The following CHD3 variants were observed in gnomAD, a reference collection of about 807,000 sequenced individuals.
CHD3 encodes chromodomain helicase DNA binding protein 3, also known as ATP-dependent chromatin remodeler CHD3.
A neutral mutation model predicts 248.9 loss-of-function variants in CHD3; 52 were observed. The observed-to-expected ratio is 0.21, with a 90% CI of 0.17 to 0.26. The LOEUF is 0.26. Among genes scored for constraint, CHD3 ranks in the 10% least tolerant of loss-of-function variants. CHD3 has a pLI of 1.00. For missense variants in CHD3, 1,482 were observed against 2,605.8 expected, an observed-to-expected ratio of 0.57 and a Z score of 9.39; for synonymous variants, 985 against 985.2, an observed-to-expected ratio of 1.00 and a Z score of 0.00.
chr17:7,907,078 G>A lies in CHD3; in HGVS notation c.4666+47G>A. 1.2e-6 allele frequency: 2 copies of A among 1,613,948 alleles called. No individual in the cohort carries two copies. The highest frequency in any genetic ancestry group is 1.7e-6 in the Non-Finnish European group (2 of 1,179,852). On this transcript the variant is annotated intron_variant, in intron 30 of 39. Coordinates refer to ENST00000330494, the MANE Select transcript of CHD3 (RefSeq NM_001005273.3). The surrounding 1 kb of genome is among the most constrained non-coding windows in gnomAD (Gnocchi z 4.3). Reference sequence around the variant, plus strand: ...GGGAGAGACAGAAAGGGAGCCAGGAGTCAGGGCGGGAGAATCTCTGTCTTT... The same window carrying A: ...GGGAGAGACAGAAAGGGAGCCAGGAATCAGGGCGGGAGAATCTCTGTCTTT...
At position 7,893,565 on chromosome 17, in the gene CHD3, C is replaced by A. The variant is rs755665866; in HGVS notation, c.789C>A (p.Gly263=). The change falls in exon 5 of 40, where the codon GGC becomes GGA. Residue 263 remains glycine, a synonymous_variant. Transcript: ENST00000330494. Reference sequence around the variant, plus strand: ...TCCGAAGAGCCAAAACCAAAGAGGGCAAAGGTAGGGAACTCTCTTCCAACA... The same window carrying A: ...TCCGAAGAGCCAAAACCAAAGAGGGAAAAGGTAGGGAACTCTCTTCCAACA... ...PPIRRAKTKE[G]KGPGHKRRSK... 127 of 1,556,116 alleles carry A rather than the reference C, an allele frequency of 8.2e-5. 1 individual carries two copies. Among genetic ancestry groups the A allele is most frequent in the Non-Finnish European group, 7.5e-5 (86 of 1,150,828 alleles).
chr17:7,899,820 A>G lies in CHD3; in HGVS notation c.2545-76A>G. On this transcript the variant is annotated intron_variant, in intron 15 of 39. Transcript: ENST00000330494. The surrounding 1 kb of genome is among the most constrained non-coding windows in gnomAD (Gnocchi z 6.8). Reference sequence around the variant, plus strand: ...GCTCCTGTTGGGAGCCACAGTCAGGACAAGGTGTCTGGTTCTGGAGGTGTA... The same window carrying G: ...GCTCCTGTTGGGAGCCACAGTCAGGGCAAGGTGTCTGGTTCTGGAGGTGTA... The G allele has an allele frequency of 6.4e-7, 1 of 1,556,886 alleles. No homozygotes were observed. The highest frequency in any genetic ancestry group is 8.8e-7 in the Non-Finnish European group (1 of 1,140,184).
chr17:7,890,178 C>G (rs990214812), intron 2 of CHD3, among the ~76,000 whole-genome samples: 2 of 152,136 alleles, frequency 1.3e-5, no homozygotes, highest in Non-Finnish European at 2.9e-5. Flanking sequence ...CGCCTGTAAT[C>G]CCAGCACTTT....
Position 7,905,750 on chromosome 17 carries a change from G to T in CHD3, c.4224+44G>T. Reference sequence around the variant, plus strand: ...GTTCCTGAGTTCTCCAAGAGGGCATGAGGGCAGGAGGTTGGAAGTTGGTGC... The same window carrying T: ...GTTCCTGAGTTCTCCAAGAGGGCATTAGGGCAGGAGGTTGGAAGTTGGTGC... On this transcript the variant is annotated intron_variant, in intron 27 of 39. Coordinates refer to ENST00000330494, the MANE Select transcript of CHD3 (RefSeq NM_001005273.3). This position sits in a 1 kb window ranked among gnomAD's most constrained non-coding sequence, Gnocchi z 5.8. The T allele has an allele frequency of 6.8e-6, 11 of 1,612,990 alleles. No homozygotes were observed. Among genetic ancestry groups the T allele is most frequent in the Non-Finnish European group, 9.3e-6 (11 of 1,179,024 alleles).
Position 7,900,806 on chromosome 17 carries a change from G to C in CHD3, c.2979-46G>C. 6.2e-7 allele frequency: 1 copy of C among 1,611,456 alleles called. No homozygotes were observed. The highest frequency in any genetic ancestry group is 8.5e-7 in the Non-Finnish European group (1 of 1,178,154). On this transcript the variant is annotated intron_variant, in intron 18 of 39. Transcript: ENST00000330494. This position sits in a 1 kb window ranked among gnomAD's most constrained non-coding sequence, Gnocchi z 6.5. ...GCGTTCCAAGTGCAATATCATAATT[G>C]CTTCCTTTATTTATGTTTCTTTTAC...
Position 7,906,300 on chromosome 17 carries a change from G to T in CHD3, c.4359-253G>T. Reference sequence around the variant, plus strand: ...ACCTGGCAGGAGGAGCTGGTGGAAAGGATGAAGAGCTGACTGATGGGGCCC... The same window carrying T: ...ACCTGGCAGGAGGAGCTGGTGGAAATGATGAAGAGCTGACTGATGGGGCCC... On this transcript the variant is annotated intron_variant, in intron 28 of 39. Transcript: ENST00000330494. This position sits in a 1 kb window ranked among gnomAD's most constrained non-coding sequence, Gnocchi z 5.0. 1.5e-6 allele frequency: 1 copy of T among 682,304 alleles called. No individual in the cohort carries two copies. Among genetic ancestry groups the T allele is most frequent in the Non-Finnish European group, 2.6e-6 (1 of 379,380 alleles). 42.3% of individuals were successfully genotyped at this position (682,304 alleles called of 1,614,324 possible). A position where few individuals can be genotyped will look rare whatever the true frequency, so the allele number is the denominator to read the frequency against.
At chr17:7,891,215 C>G in intron 4 of CHD3, 151 bp downstream of exon 4, 1 of 952,404 alleles carries the variant, frequency 1.0e-6, no homozygotes, top group Middle Eastern at 3.4e-4. Flanking sequence ...TCAGGGAACT[C>G]CTAGACTCAT....
In CHD3 at chr17:7,912,689, G is replaced by A. The variant is rs1341261581; in HGVS notation, c.*1104G>A. The stretch of plus-strand genomic sequence containing the variant: ...CCAGTCTCTCTTCACACCCACTCCT[G>A]GTCTGTCCTGATCCCCTCTTCTGTA... On this transcript the variant is annotated 3_prime_UTR_variant, in exon 40 of 40. Coordinates refer to ENST00000330494, the MANE Select transcript of CHD3 (RefSeq NM_001005273.3). 6.9e-6 allele frequency: 1 copy of A among 145,806 alleles called. No individual in the cohort carries two copies. The highest frequency in any genetic ancestry group is 1.5e-5 in the Non-Finnish European group (1 of 67,414). 9.0% of individuals were successfully genotyped at this position (145,806 alleles called of 1,614,324 possible). A position where few individuals can be genotyped will look rare whatever the true frequency, so the allele number is the denominator to read the frequency against.
Position 7,900,154 on chromosome 17 carries a change from G to C in CHD3, c.2682+121G>C, listed in dbSNP as rs1970137675. 6.5e-7 allele frequency: 1 copy of C among 1,527,394 alleles called. No individual in the cohort carries two copies. The highest frequency in any genetic ancestry group is 1.3e-5 in the South Asian group (1 of 79,850). 94.6% of individuals were successfully genotyped at this position (1,527,394 alleles called of 1,614,324 possible). On this transcript the variant is annotated intron_variant, in intron 16 of 39. Transcript: ENST00000330494. The surrounding 1 kb of genome is among the most constrained non-coding windows in gnomAD (Gnocchi z 6.5). ...GTCTGGGAGGACGTCCAGGTTGGAA[G>C]AGGGAGAGGGCCAGAGATTTGGGGC...
chr17:7,886,473 T>C (rs1967968609), upstream of CHD3, among the ~76,000 whole-genome samples: 1 of 152,208 alleles, frequency 6.6e-6, no homozygotes, highest in African/African-American at 2.4e-5. The surrounding 1 kb of genome is among the most constrained non-coding windows in gnomAD (Gnocchi z 4.2). Flanking sequence ...AACTGTCATA[T>C]TGATCCGTGT....
At position 7,908,290 on chromosome 17, in the gene CHD3, A is replaced by G; in HGVS notation, c.5153-112A>G. 1 of 915,466 alleles carries G rather than the reference A, an allele frequency of 1.1e-6. No homozygotes were observed. The highest frequency in any genetic ancestry group is 1.6e-5 in the South Asian group (1 of 62,430). 56.7% of individuals were successfully genotyped at this position (915,466 alleles called of 1,614,324 possible). On this transcript the variant is annotated intron_variant, in intron 34 of 39. Coordinates refer to ENST00000330494, the MANE Select transcript of CHD3 (RefSeq NM_001005273.3). This position sits in a 1 kb window ranked among gnomAD's most constrained non-coding sequence, Gnocchi z 5.8. ...ACCTAACCTTTACCCATTCCTCTTC[A>G]GGAGCCCTTAGTTCCCTTTCATTAT...
chr17:7,904,042 G>A lies in CHD3; in HGVS notation c.3894+51G>A. On this transcript the variant is annotated intron_variant, in intron 24 of 39. Transcript: ENST00000330494. This position sits in a 1 kb window ranked among gnomAD's most constrained non-coding sequence, Gnocchi z 4.4. Reference sequence around the variant, plus strand: ...TATCTATCCCAGGCCATCTCCAAAAGGCAGTATCCTTTACTCAGCCTTGAA... The same window carrying A: ...TATCTATCCCAGGCCATCTCCAAAAAGCAGTATCCTTTACTCAGCCTTGAA... 3 of 1,586,462 alleles carry A rather than the reference G, an allele frequency of 1.9e-6. No homozygotes were observed. Among genetic ancestry groups the A allele is most frequent in the South Asian group, 2.3e-5 (2 of 88,760 alleles).
intron 2 of CHD3, among the ~76,000 whole-genome samples, chr17:7,890,230 C>T (rs560011682): frequency 8.4e-4 from 128 of 152,106 alleles, no homozygotes; most frequent in Non-Finnish European, 1.6e-3. Context: ...CAGGAGTTCG[C>T]GACAAGCCTG....
upstream of CHD3, chr17:7,884,927 G>C (rs985865838): frequency 1.2e-4 from 168 of 1,410,516 alleles, no homozygotes; most frequent in Non-Finnish European, 1.4e-4. Flanking sequence ...GGCGGCCGAC[G>C]AGGACGATGA....
chr17:7,889,081 T>A lies in CHD3; in HGVS notation c.81T>A (p.Cys27Ter). 1 of 1,614,214 alleles carries A rather than the reference T, an allele frequency of 6.2e-7. No individual in the cohort carries two copies. Among genetic ancestry groups the A allele is most frequent in the Non-Finnish European group, 8.5e-7 (1 of 1,180,016 alleles). The stretch of plus-strand genomic sequence containing the variant: ...GGATTTCTTTTCCTCCAGGACTGTG[T>A]TGGGGTGACAGGATGCCTGGTAATT... ...QLRISFPPGL[C>*]WGDRMPDKDD... is the part of the protein sequence containing the mutation. The change falls in exon 1 of 40, where the codon TGT becomes TGA. Residue 27 changes from cysteine to a stop codon, truncating the protein, a stop_gained. Coordinates refer to ENST00000330494, the MANE Select transcript of CHD3 (RefSeq NM_001005273.3). LOFTEE classifies it high-confidence loss of function. This position sits in a 1 kb window ranked among gnomAD's most constrained non-coding sequence, Gnocchi z 4.5.
Position 7,911,394 on chromosome 17 carries a change from C to A in CHD3, c.5882-70C>A. On this transcript the variant is annotated intron_variant, in intron 39 of 39. Coordinates refer to ENST00000330494, the MANE Select transcript of CHD3 (RefSeq NM_001005273.3). This position sits in a 1 kb window ranked among gnomAD's most constrained non-coding sequence, Gnocchi z 5.4. ...AGGAGGTGACCTAGAAGTGAGAATT[C>A]ACCATTGTCATGAAGTGACGTTTGA... 2 of 1,611,250 alleles carry A rather than the reference C, an allele frequency of 1.2e-6. No individual in the cohort carries two copies. The highest frequency in any genetic ancestry group is 1.7e-6 in the Non-Finnish European group (2 of 1,178,518).
chr17:7,912,158 A>T lies in CHD3; in HGVS notation c.*573A>T, dbSNP rs1429622733. The T allele has an allele frequency of 1.0e-5, 2 of 196,560 alleles. No homozygotes were observed. Among genetic ancestry groups the T allele is most frequent in the South Asian group, 8.3e-5 (1 of 12,022 alleles). The allele number at this position is 196,560 out of a possible 1,614,324, so 12.2% of individuals were successfully genotyped here. ...GGAGCAGTTATGAGGGAGGAAGTCA[A>T]CTGCTGTTCAGCCTCAGAATAAAGG... On this transcript the variant is annotated 3_prime_UTR_variant, in exon 40 of 40. Transcript: ENST00000330494.
In CHD3 at chr17:7,893,278, A is replaced by G. The variant is rs376154697; in HGVS notation, c.510-8A>G. 8 of 1,597,744 alleles carry G rather than the reference A, an allele frequency of 5.0e-6. No homozygotes were observed. In the Admixed American group the frequency reaches 5.2e-5, roughly 10 times the overall value. On this transcript the variant is annotated splice_polypyrimidine_tract_variant and splice_region_variant and intron_variant, in intron 4 of 39. Transcript: ENST00000330494. ...AAGGGTCCGAGTTTTCTGCTTCTAT[A>G]TTTACAGGCCCCTAATTGCTAAGAA...
rs772329005 is a variant in CHD3, at chr17:7,899,005, C to G, written c.2152-6C>G. ...CCTTGAGCTTTCTGACTTCTTGTCT[C>G]TATAGCCTACCGTGAAATATGAGAC... is the stretch of plus-strand genomic sequence containing the variant. On this transcript the variant is annotated splice_polypyrimidine_tract_variant and splice_region_variant and intron_variant, in intron 13 of 39. Coordinates refer to ENST00000330494, the MANE Select transcript of CHD3 (RefSeq NM_001005273.3). The surrounding 1 kb of genome is among the most constrained non-coding windows in gnomAD (Gnocchi z 6.8). 6.2e-7 allele frequency: 1 copy of G among 1,613,792 alleles called. No individual in the cohort carries two copies. Among genetic ancestry groups the G allele is most frequent in the South Asian group, 1.1e-5 (1 of 91,074 alleles).
Sources: gnomAD v4.1 joint callset for allele counts (sites outside exome capture counted in the v4.1 genomes callset) on GRCh38, gnomAD v4.1.1 for gene constraint, Gnocchi (gnomAD v3.1) non-coding constraint, MANE v1.5 for transcripts, NCBI Gene and HGNC (gene_info 2026-07-23, HGNC 2026-07-21) for gene names.